DPP6: variants seen among roughly 807,000 people sequenced by gnomAD.
DPP6 encodes A-type potassium channel modulatory protein DPP6.
DPP6 carries 69 observed loss-of-function variants against 122.6 expected under a neutral mutation model. The ratio of observed to expected loss-of-function variants is 0.56; its 90% confidence interval spans 0.46 to 0.69. The LOEUF (loss-of-function observed/expected upper bound fraction) is 0.69, where lower values mean the gene tolerates loss of function less well. DPP6 is among the 30% of genes least tolerant of loss of function. DPP6 has a pLI of 0.00. For missense variants in DPP6, 928 were observed against 1,116.9 expected, an observed-to-expected ratio of 0.83 and a Z score of 2.41; for synonymous variants, 418 against 433.1, an observed-to-expected ratio of 0.97 and a Z score of 0.43.
intron 5 of DPP6, among the ~76,000 whole-genome samples, chr7:154,625,535 A>G (rs1835010826): frequency 6.6e-6 from 1 of 152,242 alleles, no homozygotes; most frequent in African/African-American, 2.4e-5. Flanking sequence ...TAAGCGCCAA[A>G]TGATGTCCTC....
chr7:153,959,746 G>A (rs1376589443), intron 1 of DPP6, among the ~76,000 whole-genome samples: 2 of 152,218 alleles, frequency 1.3e-5, no homozygotes, highest in Non-Finnish European at 2.9e-5. Context: ...GTTTCTTCAT[G>A]TCAGCAATAA....
the DPP6 span, among the ~76,000 whole-genome samples, chr7:153,831,451 G>T: frequency 2.0e-5 from 3 of 152,166 alleles, no homozygotes; most frequent in African/African-American, 7.2e-5. Context: ...AAGCTACGAA[G>T]AGGGACAGAG....
At chr7:154,807,154 G>A in intron 16 of DPP6, 42 bp downstream of exon 16, 1 of 1,600,388 alleles carries the variant, frequency 6.2e-7, no homozygotes, top group Non-Finnish European at 8.5e-7. Context: ...GCCCTGGCAG[G>A]CACATTTGCA....
At chr7:154,308,612 C>T (rs1490935094) in intron 1 of DPP6, among the ~76,000 whole-genome samples, 1 of 152,116 alleles carries the variant, frequency 6.6e-6, no homozygotes, top group African/African-American at 2.4e-5. Context: ...TCTGCTCCTG[C>T]GCAGAGGGAA....
intron 1 of DPP6, among the ~76,000 whole-genome samples, chr7:154,173,357 A>T (rs1797631924): frequency 6.6e-6 from 1 of 152,192 alleles, no homozygotes; most frequent in Non-Finnish European, 1.5e-5. Flanking sequence ...TGAAGAAGTG[A>T]CGTAAAGGAA....
intron 4 of DPP6, among the ~76,000 whole-genome samples, chr7:154,543,858 G>T (rs1315814902): frequency 6.6e-6 from 1 of 151,892 alleles, no homozygotes; most frequent in African/African-American, 2.4e-5. Flanking sequence ...GCCGAGCATG[G>T]TGGAGCATGC....
At position 153,918,464 on chromosome 7, in the gene DPP6, ACACTCT is replaced by A. The variant is rs1235449592; in HGVS notation, c.51+30732_51+30737del. Among the ~76,000 whole-genome samples, 273 of 85,300 alleles carry A rather than the reference ACACTCT, an allele frequency of 3.2e-3. 3 individuals are homozygous for A. Among genetic ancestry groups the A allele is most frequent in the African/African-American group, 0.01 (248 of 24,546 alleles). The allele number at this position is 85,300 out of a possible 152,430, so 56.0% of individuals were successfully genotyped here. On this transcript the variant is annotated intron_variant, in intron 1 of 25. Transcript: ENST00000404039. ...CACACACACACACACACACACACAC[ACACTCT>A]CTCTCTCTCTCTCTCTCTCTTTTTC...
At chr7:153,861,619 A>G in the DPP6 span, among the ~76,000 whole-genome samples, 32 of 152,210 alleles carry the variant, frequency 2.1e-4, no homozygotes, top group Non-Finnish European at 4.1e-4. Flanking sequence ...TCAATGGTAC[A>G]ATTTTTGGAA....
intron 1 of DPP6, among the ~76,000 whole-genome samples, chr7:154,072,570 C>A (rs1448437112): frequency 6.6e-6 from 1 of 152,286 alleles, no homozygotes; most frequent in Non-Finnish European, 1.5e-5. Flanking sequence ...TATCATTCTT[C>A]CAGCCCAACA....
At chr7:154,494,623 T>C (rs991201464) in intron 3 of DPP6, among the ~76,000 whole-genome samples, 1 of 152,078 alleles carries the variant, frequency 6.6e-6, no homozygotes, top group African/African-American at 2.4e-5. Context: ...TGGGAAATTA[T>C]ATTCTCTTCT....
At chr7:154,227,215 G>GACACACACACACACACACACACAC (rs1554495537) in intron 1 of DPP6, among the ~76,000 whole-genome samples, 72,066 of 141,084 alleles carry the variant, frequency 0.51, 20,792 homozygotes, top group Non-Finnish European at 0.63. Context: ...GAAAATGAGG[G>GACACACACACACACACACACACAC]ACACACACAC....
intron 1 of DPP6, among the ~76,000 whole-genome samples, chr7:153,903,150 T>C (rs527314401): frequency 2.1e-4 from 32 of 152,306 alleles, no homozygotes; most frequent in Middle Eastern, 6.8e-3. Flanking sequence ...CTATTCCCTC[T>C]TCCAAGAATT....
At chr7:153,994,273 A>T (rs1585147123) in intron 1 of DPP6, among the ~76,000 whole-genome samples, 1 of 151,728 alleles carries the variant, frequency 6.6e-6, no homozygotes, top group East Asian at 1.9e-4. Flanking sequence ...CTCAAACCAT[A>T]CCACGTAACA....
At chr7:154,720,986 G>A (rs1314156463) in intron 7 of DPP6, among the ~76,000 whole-genome samples, 1 of 152,224 alleles carries the variant, frequency 6.6e-6, no homozygotes, top group African/African-American at 2.4e-5. Flanking sequence ...CTGGAGACAT[G>A]CTGTGACAAT....
chr7:154,021,245 C>T (rs993113309), intron 1 of DPP6, among the ~76,000 whole-genome samples: 8 of 152,126 alleles, frequency 5.3e-5, no homozygotes, highest in African/African-American at 9.7e-5. Context: ...TCACAACAGC[C>T]GTGCGAGACT....
chr7:154,711,858 T>C (rs1361534534), intron 7 of DPP6, among the ~76,000 whole-genome samples: 1 of 152,108 alleles, frequency 6.6e-6, no homozygotes, highest in East Asian at 1.9e-4. Context: ...ATAACCATTC[T>C]GGGAACATGC....
chr7:153,847,207 G>A, the DPP6 span, among the ~76,000 whole-genome samples: 1 of 152,060 alleles, frequency 6.6e-6, no homozygotes, highest in African/African-American at 2.4e-5. Flanking sequence ...TATTAAGAAA[G>A]CAAAGGAATG....
chr7:154,020,899 A>G (rs540970156), intron 1 of DPP6, among the ~76,000 whole-genome samples: 93 of 152,270 alleles, frequency 6.1e-4, no homozygotes, highest in African/African-American at 2.1e-3. Flanking sequence ...TGGTGACCAA[A>G]TGGGTAGACA....
chr7:154,596,022 T>C (rs1833071459), intron 5 of DPP6, among the ~76,000 whole-genome samples: 1 of 152,118 alleles, frequency 6.6e-6, no homozygotes, highest in Non-Finnish European at 1.5e-5. Flanking sequence ...GATGTGCCGC[T>C]ACACTCCTGC....
Sources: allele counts gnomAD v4.1 joint callset (sites outside exome capture counted in the v4.1 genomes callset), GRCh38; gene constraint gnomAD v4.1.1; transcripts MANE v1.5; gene names NCBI Gene and HGNC (gene_info 2026-07-23, HGNC 2026-07-21).